NTM: variants seen among roughly 807,000 people sequenced by gnomAD.
NTM encodes the protein IgLON family member 2.
NTM carries 13 observed loss-of-function variants against 42.1 expected under a neutral mutation model. That is an observed-to-expected ratio of 0.31 (90% CI 0.20 to 0.49). The LOEUF is 0.49. NTM is among the 20% of genes least tolerant of loss of function. The pLI, the probability that NTM is intolerant of heterozygous loss-of-function variation, is 0.99. For missense variants in NTM, 373 were observed against 452.8 expected (o/e 0.82, Z 1.60); for synonymous variants, 187 against 179.2 (o/e 1.04, Z -0.35).
intron 3 of NTM, among the ~76,000 whole-genome samples, chr11:132,162,792 T>C (rs2074606952): frequency 6.6e-6 from 1 of 151,026 alleles, no homozygotes; most frequent in Admixed American, 6.6e-5. Flanking sequence ...TGTGTGTGTG[T>C]GTGTGTTTGT....
intron 3 of NTM, among the ~76,000 whole-genome samples, chr11:132,192,470 A>T (rs980083383): frequency 2.0e-5 from 3 of 152,182 alleles, no homozygotes; most frequent in African/African-American, 7.2e-5. Flanking sequence ...ACACTAAGGG[A>T]ATTTGTTACC....
intron 1 of NTM, among the ~76,000 whole-genome samples, chr11:131,822,133 GTCT>G (rs141520331): frequency 0.088 from 13,325 of 152,116 alleles, 1,910 homozygotes; most frequent in African/African-American, 0.3. Flanking sequence ...CTGCTATGTT[GTCT>G]TCTTCTTAGC....
intron 1 of NTM, among the ~76,000 whole-genome samples, chr11:131,398,704 G>T (rs568672788): frequency 6.6e-6 from 1 of 151,954 alleles, no homozygotes; most frequent in Non-Finnish European, 1.5e-5. Flanking sequence ...CCTTACACAC[G>T]ATCACTATAC....
chr11:131,866,071 C>T (rs1408571608), intron 1 of NTM, among the ~76,000 whole-genome samples: 3 of 148,298 alleles, frequency 2.0e-5, no homozygotes, highest in African/African-American at 7.4e-5. Flanking sequence ...ACACACCCCA[C>T]ACACTCTCAC....
chr11:132,329,797 A>T (rs996685847), intron 7 of NTM, among the ~76,000 whole-genome samples: 1 of 152,274 alleles, frequency 6.6e-6, no homozygotes, highest in Admixed American at 6.5e-5. Context: ...GTTGTTCTAC[A>T]AAGCCTATTT....
chr11:131,818,744 C>A (rs79238061), intron 1 of NTM, among the ~76,000 whole-genome samples: 10,388 of 152,176 alleles, frequency 0.068, 1,169 homozygotes, highest in African/African-American at 0.24. Context: ...TGCTATCGTG[C>A]TTTTACACTT....
chr11:131,427,871 C>T (rs1251037212), intron 1 of NTM, among the ~76,000 whole-genome samples: 1 of 152,214 alleles, frequency 6.6e-6, no homozygotes, highest in Non-Finnish European at 1.5e-5. Context: ...CCTCCTTCTG[C>T]CTCCGTGAAA....
At chr11:131,711,981 G>A (rs761087429) in intron 1 of NTM, among the ~76,000 whole-genome samples, 1,884 of 110,968 alleles carry the variant, frequency 0.017, 24 homozygotes, top group Admixed American at 0.026. Context: ...GGGGACTGTG[G>A]TGGGGTGGGG....
chr11:131,869,631 G>A (rs1398512342), intron 1 of NTM, among the ~76,000 whole-genome samples: 1 of 152,140 alleles, frequency 6.6e-6, no homozygotes, highest in Non-Finnish European at 1.5e-5. Context: ...TTTATTCTTA[G>A]GAGGATGATA....
At chr11:132,076,729 A>G (rs1313014006) in intron 2 of NTM, among the ~76,000 whole-genome samples, 1 of 152,034 alleles carries the variant, frequency 6.6e-6, no homozygotes, top group Non-Finnish European at 1.5e-5. Context: ...TCTCAACCTC[A>G]TTTTTTCTAT....
At chr11:132,304,606 G>T (rs2095006232) in intron 4 of NTM, among the ~76,000 whole-genome samples, 1 of 152,096 alleles carries the variant, frequency 6.6e-6, no homozygotes. Context: ...GATTTTGGGT[G>T]GTTCAAAGTT....
chr11:132,244,142 C>T (rs1249532117), intron 4 of NTM, among the ~76,000 whole-genome samples: 1 of 152,210 alleles, frequency 6.6e-6, no homozygotes, highest in Non-Finnish European at 1.5e-5. Flanking sequence ...CACCTGCAGC[C>T]AGTGACCCTA....
chr11:132,183,503 T>C (rs531687956), intron 3 of NTM, among the ~76,000 whole-genome samples: 43 of 152,214 alleles, frequency 2.8e-4, no homozygotes, highest in Admixed American at 1.6e-3. Context: ...ATCATAGTTA[T>C]GAGACTCTGG....
At chr11:131,527,291 C>T (rs1342231159) in intron 1 of NTM, among the ~76,000 whole-genome samples, 2 of 152,256 alleles carry the variant, frequency 1.3e-5, no homozygotes, top group Admixed American at 6.5e-5. Flanking sequence ...AGTTTTTATT[C>T]CCCCACCCCT....
chr11:131,786,727 G>A (rs987585421), intron 1 of NTM, among the ~76,000 whole-genome samples: 1 of 152,150 alleles, frequency 6.6e-6, no homozygotes, highest in Non-Finnish European at 1.5e-5. Flanking sequence ...CCAATTGATA[G>A]CATTTAAATT....
intron 4 of NTM, among the ~76,000 whole-genome samples, chr11:132,219,220 G>A (rs2084578700): frequency 1.3e-5 from 2 of 152,028 alleles, no homozygotes; most frequent in South Asian, 2.1e-4. Context: ...AAAGCCTCTG[G>A]TGACTTTCTT....
intron 3 of NTM, among the ~76,000 whole-genome samples, chr11:132,178,979 G>T (rs189141241): frequency 1.3e-5 from 2 of 152,054 alleles, no homozygotes. Flanking sequence ...TTAAGTAAGC[G>T]GGATTTACTT....
intron 1 of NTM, among the ~76,000 whole-genome samples, chr11:131,736,580 T>C (rs2080472602): frequency 6.6e-6 from 1 of 152,180 alleles, no homozygotes; most frequent in Non-Finnish European, 1.5e-5. Context: ...TCCATCTTAT[T>C]TGACACTTCA....
intron 2 of NTM, among the ~76,000 whole-genome samples, chr11:132,073,611 G>C (rs2057989571): frequency 6.6e-6 from 1 of 152,098 alleles, no homozygotes; most frequent in South Asian, 2.1e-4. Flanking sequence ...TAAAACCTCA[G>C]GCCAAAACTC....
Sources: allele counts gnomAD v4.1 joint callset (sites outside exome capture counted in the v4.1 genomes callset), GRCh38; gene constraint gnomAD v4.1.1; transcripts MANE v1.5; gene names NCBI Gene and HGNC (gene_info 2026-07-23, HGNC 2026-07-21).